The following STAG1 variants were observed in gnomAD, a reference collection of about 807,000 sequenced individuals.
STAG1 encodes the protein STAG1 cohesin complex component, also known as cohesin subunit SA-1.
Under a neutral mutation model 170.9 loss-of-function variants are expected in STAG1, and 26 were observed. The observed-to-expected ratio is 0.15, with a 90% CI of 0.11 to 0.21. STAG1 has a LOEUF of 0.21. Among genes scored for constraint, STAG1 ranks in the 10% least tolerant of loss-of-function variants. The pLI is 1.00. For synonymous variants in STAG1, 514 were observed against 497.7 expected (o/e 1.03, Z -0.44); for missense variants, 964 against 1,509.5 (o/e 0.64, Z 5.99).
At chr3:136,447,584 G>T (rs2088818485) in intron 14 of STAG1, among the ~76,000 whole-genome samples, 1 of 143,018 alleles carries the variant, frequency 7.0e-6, no homozygotes, top group Admixed American at 7.0e-5. Context: ...TTATCCCTCT[G>T]AAAAGCATCA....
chr3:136,498,225 TATATATATAC>T (rs1213013892), intron 9 of STAG1, among the ~76,000 whole-genome samples: 731 of 56,708 alleles, frequency 0.013, 65 homozygotes, highest in African/African-American at 0.055. Context: ...TATATATATA[TATATATATAC>T]ACATACATAT....
rs57299539 is a variant in STAG1, at chr3:136,551,428, A to AT, written c.395-9234dup. Among the ~76,000 whole-genome samples the AT allele has an allele frequency of 1.9e-3, 227 of 117,488 alleles. 7 individuals carry two copies. The highest frequency in any genetic ancestry group is 5.6e-3 in the African/African-American group (168 of 29,808). 77.1% of individuals were successfully genotyped at this position (117,488 alleles called of 152,430 possible). A position where few individuals can be genotyped will look rare whatever the true frequency, so the allele number is the denominator to read the frequency against. On this transcript the variant is annotated intron_variant, in intron 5 of 33. Coordinates refer to ENST00000383202, the MANE Select transcript of STAG1 (RefSeq NM_005862.3). ...AGGCAGGCATCAATACATCTGGCTA[A>AT]TTTTTTTTTTTTTTTGGCAGGGGGA...
At chr3:136,463,267 A>G (rs72989405) in intron 13 of STAG1, among the ~76,000 whole-genome samples, 1,733 of 151,976 alleles carry the variant, frequency 0.011, 28 homozygotes, top group African/African-American at 0.04. Flanking sequence ...GATTTCTTAC[A>G]TAGAAATAAC....
intron 12 of STAG1, 150 bp from the exon 13 acceptor site, chr3:136,465,138 T>G (rs1020419930): frequency 1.0e-4 from 56 of 542,796 alleles, no homozygotes; most frequent in Non-Finnish European, 1.1e-4. Flanking sequence ...ATGTTTCCCC[T>G]TTAAGTATAA....
At chr3:136,622,620 C>G (rs1197755698) in intron 3 of STAG1, among the ~76,000 whole-genome samples, 2 of 152,092 alleles carry the variant, frequency 1.3e-5, no homozygotes, top group East Asian at 3.9e-4. Context: ...AAACATAGAA[C>G]AGTATAACCC....
At chr3:136,500,344 G>A in intron 8 of STAG1, 48 bp from the exon 9 acceptor site, 1 of 1,270,026 alleles carries the variant, frequency 7.9e-7, no homozygotes, top group Non-Finnish European at 1.1e-6. Flanking sequence ...CATTTTATTT[G>A]GAAGGAACAG....
intron 1 of STAG1, among the ~76,000 whole-genome samples, chr3:136,684,594 T>C (rs1005188689): frequency 2.0e-5 from 3 of 151,336 alleles, no homozygotes; most frequent in Admixed American, 6.6e-5. Flanking sequence ...TACTAAAAAA[T>C]ACAAAAATTA....
intron 28 of STAG1, among the ~76,000 whole-genome samples, chr3:136,352,451 C>A (rs918809021): frequency 6.6e-6 from 1 of 152,110 alleles, no homozygotes; most frequent in Admixed American, 6.6e-5. Context: ...TGAGCCACAG[C>A]GCCTGGCCAA....
At chr3:136,699,227 G>C (rs1033576459) in intron 1 of STAG1, among the ~76,000 whole-genome samples, 53 of 152,192 alleles carry the variant, frequency 3.5e-4, no homozygotes, top group African/African-American at 1.3e-3. Context: ...AAATAAAAAA[G>C]AAAGAATGAC....
chr3:136,562,945 G>A (rs1278168398), intron 5 of STAG1, among the ~76,000 whole-genome samples: 1 of 152,150 alleles, frequency 6.6e-6, no homozygotes, highest in East Asian at 1.9e-4. Flanking sequence ...TTGTTTTGAA[G>A]AATATAACTC....
chr3:136,471,835 CTGAGT>C (rs1335001843), intron 12 of STAG1, among the ~76,000 whole-genome samples: 3 of 152,162 alleles, frequency 2.0e-5, no homozygotes, highest in South Asian at 2.1e-4. Flanking sequence ...TTCTTTCTCT[CTGAGT>C]TATTTATTTA....
chr3:136,740,791 T>TAC (rs1368408136), intron 1 of STAG1, among the ~76,000 whole-genome samples: 5 of 152,278 alleles, frequency 3.3e-5, no homozygotes, highest in South Asian at 4.1e-4. Flanking sequence ...AGCGTTTTCT[T>TAC]ACACACACAC....
chr3:136,405,258 T>TTTTTC (rs1560091864), intron 21 of STAG1, among the ~76,000 whole-genome samples: 1 of 115,616 alleles, frequency 8.6e-6, no homozygotes, highest in African/African-American at 3.4e-5. Flanking sequence ...TTTTTTTTTT[T>TTTTTC]TCAGACGAAG....
At chr3:136,671,135 A>G (rs1338667043) in intron 1 of STAG1, among the ~76,000 whole-genome samples, 1 of 152,100 alleles carries the variant, frequency 6.6e-6, no homozygotes, top group Non-Finnish European at 1.5e-5. Context: ...AAATACAAAA[A>G]TTAGCTGGGC....
chr3:136,591,140 A>T (rs1215136492), intron 4 of STAG1, among the ~76,000 whole-genome samples: 2 of 151,212 alleles, frequency 1.3e-5, no homozygotes, highest in African/African-American at 2.4e-5. Flanking sequence ...ACATTTTTAC[A>T]TAATAAAATA....
intron 1 of STAG1, among the ~76,000 whole-genome samples, chr3:136,742,640 G>A (rs966274301): frequency 2.0e-5 from 3 of 151,778 alleles, no homozygotes; most frequent in African/African-American, 7.3e-5. Context: ...ACCTGAACCT[G>A]GAAGGTGGAG....
At position 136,679,404 on chromosome 3, in the gene STAG1, A is replaced by C. The variant is rs367591866; in HGVS notation, c.-83-48423T>G. Among the ~76,000 whole-genome samples the C allele has an allele frequency of 4.0e-5, 6 of 151,654 alleles. No homozygotes were observed. The East Asian group carries it at 1.2e-3, about 29-fold the overall frequency. On this transcript the variant is annotated intron_variant, in intron 1 of 33. Coordinates refer to ENST00000383202, the MANE Select transcript of STAG1 (RefSeq NM_005862.3). ...AGACCAGCCTGTCCAACATGGTGAA[A>C]CCACATCTCTACAAAAAAAAATACA...
intron 5 of STAG1, among the ~76,000 whole-genome samples, chr3:136,543,090 T>C (rs757968714): frequency 7.9e-5 from 12 of 152,266 alleles, no homozygotes; most frequent in South Asian, 2.1e-4. Flanking sequence ...ATATATTTGA[T>C]TGAACATACA....
rs183577096 is a variant in STAG1, at chr3:136,386,204, T to G, written c.2278-8452A>C. ...TACAAAAAAAATTAGCTGGGCATGG[T>G]GGTGCACGCCTGTAATCCCAGCTAC... is the stretch of plus-strand genomic sequence containing the variant. On this transcript the variant is annotated intron_variant, in intron 22 of 33. Coordinates refer to ENST00000383202, the MANE Select transcript of STAG1 (RefSeq NM_005862.3). 6.6e-3 allele frequency among the ~76,000 whole-genome samples: 999 copies of G among 152,208 alleles called. 12 individuals are homozygous for G. The highest frequency in any genetic ancestry group is 0.023 in the African/African-American group (950 of 41,542).
Sources: gnomAD v4.1 joint callset for allele counts (sites outside exome capture counted in the v4.1 genomes callset) on GRCh38, gnomAD v4.1.1 for gene constraint, MANE v1.5 for transcripts, NCBI Gene and HGNC (gene_info 2026-07-23, HGNC 2026-07-21) for gene names.